The following SMAD4 variants were observed in gnomAD, a reference collection of about 807,000 sequenced individuals.
The protein encoded by SMAD4 is SMAD family member 4.
Under a neutral mutation model 63.2 loss-of-function variants are expected in SMAD4, and 7 were observed. The observed-to-expected ratio is 0.11, with a 90% CI of 0.06 to 0.21. The LOEUF (loss-of-function observed/expected upper bound fraction) is 0.21, where lower values mean the gene tolerates loss of function less well. Ranked by LOEUF, SMAD4 falls within the 10% of genes least tolerant of loss-of-function variation. The pLI is 1.00. For synonymous variants in SMAD4, 215 were observed against 235.4 expected (o/e 0.91, Z 0.79); for missense variants, 312 against 693.8 (o/e 0.45, Z 6.18).
intron 1 of SMAD4, among the ~76,000 whole-genome samples, chr18:51,039,302 C>G (rs2144385077): frequency 6.6e-6 from 1 of 152,260 alleles, no homozygotes; most frequent in African/African-American, 2.4e-5. Context: ...ATGTAAGAGT[C>G]AGACTTAAGT....
chr18:51,030,472 C>CGGCGCGGCGCTGAGGA lies in SMAD4; in HGVS notation c.-276_-261dup, dbSNP rs1909005048. 1 of 150,204 alleles carries CGGCGCGGCGCTGAGGA rather than the reference C, an allele frequency of 6.7e-6. No individual in the cohort carries two copies. Among genetic ancestry groups the CGGCGCGGCGCTGAGGA allele is most frequent in the South Asian group, 2.1e-4 (1 of 4,828 alleles). The allele number at this position is 150,204 out of a possible 1,614,324, so 9.3% of individuals were successfully genotyped here. ...GAGGCGGTCCGGCCCGCGCGGGCAG[C>CGGCGCGGCGCTGAGGA]GGCGCGGCGCTGAGGAGGGGCGGCC... On this transcript the variant is annotated 5_prime_UTR_variant, in exon 1 of 12. Coordinates refer to ENST00000342988, the MANE Select transcript of SMAD4 (RefSeq NM_005359.6).
chr18:51,070,155 T>C (rs1910278356), intron 10 of SMAD4, among the ~76,000 whole-genome samples: 1 of 152,264 alleles, frequency 6.6e-6, no homozygotes, highest in African/African-American at 2.4e-5. Context: ...ACTATGGTGT[T>C]GAATATATAC....
intron 4 of SMAD4, among the ~76,000 whole-genome samples, chr18:51,052,013 A>G (rs1302933102): frequency 6.6e-6 from 1 of 151,866 alleles, no homozygotes; most frequent in Non-Finnish European, 1.5e-5. Flanking sequence ...GGGTTTCACC[A>G]TGTTGGCCGG....
intron 8 of SMAD4, among the ~76,000 whole-genome samples, chr18:51,063,613 A>G (rs929718801): frequency 6.6e-6 from 1 of 151,914 alleles, no homozygotes; most frequent in African/African-American, 2.4e-5. Context: ...CGGTTTCACC[A>G]TGTTGCCCAG....
chr18:51,082,414 C>T lies in SMAD4; in HGVS notation c.*3947C>T. On this transcript the variant is annotated 3_prime_UTR_variant, in exon 12 of 12. Transcript: ENST00000342988. ...TAAAAAGTCCATGGCCTTATTCATC[C>T]ACAAAGTGGCATCCTAGGCCCAGCC... 1 of 229,272 alleles carries T rather than the reference C, an allele frequency of 4.4e-6. No individual in the cohort carries two copies. Among genetic ancestry groups the T allele is most frequent in the Non-Finnish European group, 8.6e-6 (1 of 115,624 alleles). 14.2% of individuals were successfully genotyped at this position (229,272 alleles called of 1,614,324 possible). A position where few individuals can be genotyped will look rare whatever the true frequency, so the allele number is the denominator to read the frequency against.
chr18:51,064,320 A>G (rs1398577724), intron 8 of SMAD4, among the ~76,000 whole-genome samples: 3 of 152,336 alleles, frequency 2.0e-5, no homozygotes, highest in East Asian at 1.9e-4. Context: ...GATGTCCCCT[A>G]CCATCCAGTC....
chr18:51,076,651 G>A lies in SMAD4; in HGVS notation c.1322G>A (p.Arg441His), dbSNP rs1599204057. Reference protein sequence around the residue: ...PSAYIKVFDLRQCHRQMQQQA... With the variant: ...PSAYIKVFDLHQCHRQMQQQA... ...TTTTCTTAAAAGGTCTTTGATTTGC[G>A]TCAGTGTCATCGACAGATGCAGCAG... is the stretch of plus-strand genomic sequence containing the variant. Residue 441 changes from arginine to histidine, a missense_variant, in exon 11 of 12, where the codon CGT becomes CAT. Arg to His is a conservative substitution (Grantham distance 29, BLOSUM62 0). Transcript: ENST00000342988. 2 of 1,613,818 alleles carry A rather than the reference G, an allele frequency of 1.2e-6. No homozygotes were observed. Among genetic ancestry groups the A allele is most frequent in the Non-Finnish European group, 1.7e-6 (2 of 1,179,844 alleles).
intron 7 of SMAD4, 71 bp from the exon 8 acceptor site, chr18:51,059,795 A>G: frequency 1.8e-6 from 2 of 1,119,980 alleles, no homozygotes; most frequent in Non-Finnish European, 2.7e-6. Flanking sequence ...TTTAAGTAAG[A>G]TTTACTGAAA....
At chr18:51,074,472 A>G (rs1329378614) in intron 10 of SMAD4, among the ~76,000 whole-genome samples, 2 of 152,242 alleles carry the variant, frequency 1.3e-5, no homozygotes, top group Non-Finnish European at 2.9e-5. Flanking sequence ...CATAGAATGT[A>G]CAACACCAAG....
At chr18:51,060,887 A>G (rs1909992759) in intron 8 of SMAD4, among the ~76,000 whole-genome samples, 1 of 151,388 alleles carries the variant, frequency 6.6e-6, no homozygotes, top group Admixed American at 6.6e-5. Flanking sequence ...TCCTGCTAAT[A>G]ATTTTATTTA....
intron 4 of SMAD4, chr18:51,049,591 C>T (rs1341199665): frequency 2.4e-6 from 1 of 412,452 alleles, no homozygotes; most frequent in Non-Finnish European, 4.4e-6. Context: ...GCACCAAAAA[C>T]AAATATAAAG....
rs183843173 is a variant in SMAD4 at position 51,051,724 on chromosome 18, A to C, written c.454+2400A>C. 3.3e-5 allele frequency among the ~76,000 whole-genome samples: 5 copies of C among 152,284 alleles called. No individual in the cohort carries two copies. The East Asian group carries it at 9.6e-4, about 29-fold the overall frequency. Reference sequence around the variant, plus strand: ...TGTGTCCTGGTTGCTGGTGATGATAAAGAACACAGACCTAAGGTGGGCCCA... The same window carrying C: ...TGTGTCCTGGTTGCTGGTGATGATACAGAACACAGACCTAAGGTGGGCCCA... On this transcript the variant is annotated intron_variant, in intron 4 of 11. Coordinates refer to ENST00000342988, the MANE Select transcript of SMAD4 (RefSeq NM_005359.6).
intron 4 of SMAD4, chr18:51,054,364 T>G: frequency 4.8e-6 from 1 of 210,332 alleles, no homozygotes; most frequent in South Asian, 7.1e-5. Flanking sequence ...CAAAAAGATA[T>G]AGTTAAATAC....
intron 4 of SMAD4, chr18:51,052,813 C>T: frequency 5.5e-6 from 1 of 182,924 alleles, no homozygotes; most frequent in African/African-American, 2.4e-5. Context: ...AAAACGTATA[C>T]TATGCATACT....
At chr18:51,037,858 A>G (rs934638009) in intron 1 of SMAD4, among the ~76,000 whole-genome samples, 1 of 152,220 alleles carries the variant, frequency 6.6e-6, no homozygotes, top group African/African-American at 2.4e-5. Context: ...GAGAACATTT[A>G]TAGCCAGTGC....
rs193294298 is a variant in SMAD4, at chr18:51,053,373, A to T, written c.455-1408A>T. ...TATAAGGCTGAATAAGTGTAGACATACCAATTTTGTGCCCCAAACAATTTT... is the reference window on the plus strand; with the variant it reads ...TATAAGGCTGAATAAGTGTAGACATTCCAATTTTGTGCCCCAAACAATTTT... On this transcript the variant is annotated intron_variant, in intron 4 of 11. Coordinates refer to ENST00000342988, the MANE Select transcript of SMAD4 (RefSeq NM_005359.6). The T allele has an allele frequency of 3.3e-5, 5 of 152,302 alleles. No individual in the cohort carries two copies. In the East Asian group the frequency reaches 9.6e-4, roughly 29 times the overall value. 9.4% of individuals were successfully genotyped at this position (152,302 alleles called of 1,614,324 possible). A position where few individuals can be genotyped will look rare whatever the true frequency, so the allele number is the denominator to read the frequency against.
intron 9 of SMAD4, among the ~76,000 whole-genome samples, chr18:51,066,671 T>G (rs1386712671): frequency 2.0e-5 from 3 of 152,098 alleles, no homozygotes; most frequent in African/African-American, 4.8e-5. Flanking sequence ...TTAGTTTTAA[T>G]TTAATTTAAA....
chr18:51,055,064 T>A, intron 5 of SMAD4, 71 bp downstream of exon 5: 2 of 1,134,862 alleles, frequency 1.8e-6, no homozygotes, highest in Non-Finnish European at 2.7e-6. Flanking sequence ...GTGTAGTCAC[T>A]TGGGGGGAAA....
chr18:51,078,124 C>T, intron 11 of SMAD4, 132 bp from the exon 12 acceptor site: 1 of 782,158 alleles, frequency 1.3e-6, no homozygotes, highest in Admixed American at 2.0e-5. Context: ...TACTTCTTGG[C>T]ACTTTAGCAG....
Sources: gnomAD v4.1 joint callset for allele counts (sites outside exome capture counted in the v4.1 genomes callset) on GRCh38, gnomAD v4.1.1 for gene constraint, MANE v1.5 for transcripts, NCBI Gene and HGNC (gene_info 2026-07-23, HGNC 2026-07-21) for gene names.